The following ADARB1 variants were observed in gnomAD, a reference collection of about 807,000 sequenced individuals.
ADARB1 encodes adenosine deaminase RNA specific B1, also known as double-stranded RNA-specific editase 1.
Under a neutral mutation model 52.4 loss-of-function variants are expected in ADARB1, and 10 were observed. The ratio of observed to expected loss-of-function variants is 0.19; its 90% CI spans 0.12 to 0.32. ADARB1 has a LOEUF of 0.32. ADARB1 is among the 10% of genes least tolerant of loss of function. ADARB1 has a pLI of 1.00. For missense variants in ADARB1, 643 were observed against 922.3 expected (o/e 0.70, Z 3.92); for synonymous variants, 349 against 371.1 (o/e 0.94, Z 0.68).
At chr21:45,118,317 C>T (rs2087941093) in intron 1 of ADARB1, among the ~76,000 whole-genome samples, 1 of 152,122 alleles carries the variant, frequency 6.6e-6, no homozygotes. Flanking sequence ...CCTTAATCCA[C>T]TTCCTTATAG....
intron 1 of ADARB1, among the ~76,000 whole-genome samples, chr21:45,079,479 T>C (rs1266763657): frequency 6.6e-6 from 1 of 152,194 alleles, no homozygotes; most frequent in East Asian, 1.9e-4. Flanking sequence ...AGAGCCAGTG[T>C]TGGGATTTGA....
chr21:45,196,186 C>A (rs2092421041), intron 8 of ADARB1, among the ~76,000 whole-genome samples: 1 of 151,876 alleles, frequency 6.6e-6, no homozygotes. Context: ...TCCAATTCTG[C>A]TGTTCATTGC....
At chr21:45,117,966 C>CTT (rs755962507) in intron 1 of ADARB1, among the ~76,000 whole-genome samples, 2 of 152,206 alleles carry the variant, frequency 1.3e-5, no homozygotes, top group African/African-American at 4.8e-5. Flanking sequence ...CCTTCACACT[C>CTT]TGAGTTTTGA....
Position 45,185,049 on chromosome 21 carries a change from G to A in ADARB1, c.1523G>A (p.Gly508Glu). The change falls in exon 8 of 11, where the codon GGG becomes GAG. Residue 508 changes from glycine (G) to glutamate (E), a missense_variant. This residue lies in a region of ADARB1 where 263 missense variants were observed against 475.8 expected (regional missense o/e 0.55). Transcript: ENST00000348831. ...SIQTWDGVLQGERLLTMSCSD... is the reference protein window; with the variant it reads ...SIQTWDGVLQEERLLTMSCSD... The stretch of plus-strand genomic sequence containing the variant: ...CAAACGTGGGACGGGGTGCTGCAAG[G>A]GGAGCGGCTGCTCACCATGTCCTGC... 1 of 1,614,218 alleles carries A rather than the reference G, an allele frequency of 6.2e-7. No homozygotes were observed. Among genetic ancestry groups the A allele is most frequent in the Non-Finnish European group, 8.5e-7 (1 of 1,180,028 alleles).
chr21:45,221,955 T>C lies in ADARB1; in HGVS notation c.1927-63T>C, dbSNP rs1008456653. Reference sequence around the variant, plus strand: ...CTGAAGGCCATGTTTTGGTATCTTATTAGGTGTTGTTTTCATCTGTTACAG... The same window carrying C: ...CTGAAGGCCATGTTTTGGTATCTTACTAGGTGTTGTTTTCATCTGTTACAG... On this transcript the variant is annotated intron_variant, in intron 10 of 10. Coordinates refer to ENST00000348831, the MANE Select transcript of ADARB1 (RefSeq NM_001112.4). The surrounding 1 kb of genome is among the most constrained non-coding windows in gnomAD (Gnocchi z 4.9). 1.3e-6 allele frequency: 2 copies of C among 1,537,050 alleles called. No homozygotes were observed. Among genetic ancestry groups the C allele is most frequent in the Non-Finnish European group, 1.8e-6 (2 of 1,119,472 alleles).
chr21:45,205,928 G>A (rs1240059184), intron 9 of ADARB1, among the ~76,000 whole-genome samples: 1 of 152,150 alleles, frequency 6.6e-6, no homozygotes, highest in East Asian at 1.9e-4. Flanking sequence ...AAAGCAGTGT[G>A]GAATTTTATT....
rs527449502 is a variant in ADARB1, at chr21:45,124,280, A to G, written c.-219-4122A>G. Among the ~76,000 whole-genome samples, 12 of 152,290 alleles carry G rather than the reference A, an allele frequency of 7.9e-5. No homozygotes were observed. The South Asian group carries it at 2.3e-3, about 29-fold the overall frequency. ...GTTGGATTCACTTTCTAGAGAAGCCATCTAGTCATGGAGTGTTCTTTCCAG... is the reference window on the plus strand; with the variant it reads ...GTTGGATTCACTTTCTAGAGAAGCCGTCTAGTCATGGAGTGTTCTTTCCAG... On this transcript the variant is annotated intron_variant, in intron 1 of 10. Coordinates refer to ENST00000348831, the MANE Select transcript of ADARB1 (RefSeq NM_001112.4).
chr21:45,180,615 T>A (rs1037223478), intron 5 of ADARB1, among the ~76,000 whole-genome samples, 171 bp downstream of exon 5: 1 of 152,216 alleles, frequency 6.6e-6, no homozygotes, highest in Non-Finnish European at 1.5e-5. Flanking sequence ...CAAGCTTTTT[T>A]CCCAAAATGT....
chr21:45,164,693 A>G (rs976121362), intron 2 of ADARB1, among the ~76,000 whole-genome samples: 2 of 152,118 alleles, frequency 1.3e-5, no homozygotes, highest in Non-Finnish European at 2.9e-5. Context: ...GCTGACGATG[A>G]GCACATGGGC....
chr21:45,210,357 G>A (rs1191305276), intron 9 of ADARB1, among the ~76,000 whole-genome samples: 1 of 152,154 alleles, frequency 6.6e-6, no homozygotes, highest in Non-Finnish European at 1.5e-5. Flanking sequence ...ATTAACCCAC[G>A]TGATCTCCAG....
In ADARB1 at chr21:45,175,838, G is replaced by C. The variant is rs1351605795; in HGVS notation, c.137G>C (p.Gly46Ala). ...GEGSQLSNGG[G>A]GGPGRKRPLE... The stretch of plus-strand genomic sequence containing the variant: ...GGCTCTCAGCTCTCCAATGGGGGTG[G>C]TGGTGGCCCCGGCAGAAAGCGGCCC... The change falls in exon 4 of 11, where the codon GGT becomes GCT. Residue 46 changes from glycine to alanine, a missense_variant. Gly to Ala is a moderately conservative substitution (Grantham distance 60). Coordinates refer to ENST00000348831, the MANE Select transcript of ADARB1 (RefSeq NM_001112.4). 6.2e-7 allele frequency: 1 copy of C among 1,614,098 alleles called. No individual in the cohort carries two copies. The highest frequency in any genetic ancestry group is 8.5e-7 in the Non-Finnish European group (1 of 1,180,010).
chr21:45,171,893 G>A (rs189404533), intron 3 of ADARB1: 45 of 558,714 alleles, frequency 8.1e-5, no homozygotes, highest in East Asian at 5.7e-4. Context: ...CCTCGTTATC[G>A]TCGTGGGGCA....
At chr21:45,135,757 T>G (rs403299) in intron 2 of ADARB1, among the ~76,000 whole-genome samples, 3 of 152,220 alleles carry the variant, frequency 2.0e-5, no homozygotes, top group Non-Finnish European at 4.4e-5. Context: ...AAAAAACATA[T>G]GAAGTGTAGA....
At chr21:45,094,701 C>T (rs2086687617) in intron 1 of ADARB1, among the ~76,000 whole-genome samples, 1 of 152,102 alleles carries the variant, frequency 6.6e-6, no homozygotes, top group Non-Finnish European at 1.5e-5. Flanking sequence ...CCCTTCCTGT[C>T]CTCCCATCCA....
At chr21:45,185,919 G>A (rs2092088583) in intron 8 of ADARB1, among the ~76,000 whole-genome samples, 1 of 152,196 alleles carries the variant, frequency 6.6e-6, no homozygotes, top group South Asian at 2.1e-4. Flanking sequence ...TCTTTTCATT[G>A]TTTGTGTGCC....
At chr21:45,119,291 G>T (rs552676586) in intron 1 of ADARB1, among the ~76,000 whole-genome samples, 1 of 152,114 alleles carries the variant, frequency 6.6e-6, no homozygotes, top group African/African-American at 2.4e-5. Context: ...GGGTCTTGCC[G>T]TGTTGCCCAG....
At chr21:45,197,431 T>C (rs1388347814) in intron 8 of ADARB1, among the ~76,000 whole-genome samples, 2 of 146,758 alleles carry the variant, frequency 1.4e-5, no homozygotes, top group Non-Finnish European at 3.0e-5. Flanking sequence ...ACCTGGGAGG[T>C]AGAGGTTGTG....
chr21:45,133,981 T>C lies in ADARB1; in HGVS notation c.-48+5408T>C, dbSNP rs1169399605. Among the ~76,000 whole-genome samples the C allele has an allele frequency of 4.2e-4, 41 of 98,722 alleles. 1 individual carries two copies. The highest frequency in any genetic ancestry group is 1.5e-3 in the African/African-American group (38 of 24,670). The allele number at this position is 98,722 out of a possible 152,430, so 64.8% of individuals were successfully genotyped here. A position where few individuals can be genotyped will look rare whatever the true frequency, so the allele number is the denominator to read the frequency against. On this transcript the variant is annotated intron_variant, in intron 2 of 10. Coordinates refer to ENST00000348831, the MANE Select transcript of ADARB1 (RefSeq NM_001112.4). ...GGTGTGTGCGCCCGACGGGGGTGTG[T>C]GCCCGACTGGTGTGTGCGCCCGACG... is the stretch of plus-strand genomic sequence containing the variant.
intron 1 of ADARB1, among the ~76,000 whole-genome samples, chr21:45,108,473 T>G (rs1601376693): frequency 6.6e-6 from 1 of 152,316 alleles, no homozygotes; most frequent in East Asian, 1.9e-4. Context: ...TCAGTGTGCT[T>G]TGAAATAGAC....
Sources: gnomAD v4.1 joint callset for allele counts (sites outside exome capture counted in the v4.1 genomes callset) on GRCh38, gnomAD v4.1.1 for gene constraint, gnomAD v4.1.1 regional missense constraint, Gnocchi (gnomAD v3.1) non-coding constraint, MANE v1.5 for transcripts, NCBI Gene and HGNC (gene_info 2026-07-23, HGNC 2026-07-21) for gene names.